Variants in RANBP2 observed in about 807,000 individuals in gnomAD.
The protein encoded by RANBP2 is E3 SUMO-protein ligase RanBP2.
A neutral mutation model predicts 303.6 loss-of-function variants in RANBP2; 57 were observed. The observed-to-expected ratio is 0.19, with a 90% confidence interval of 0.15 to 0.23. The LOEUF is 0.23. RANBP2 is among the 10% of genes least tolerant of loss of function. The probability of loss-of-function intolerance (pLI) is 1.00; values close to 1 mark genes in which losing one functional copy is unlikely to be tolerated. For missense variants in RANBP2, 3,138 were observed against 3,780.8 expected (o/e 0.83, Z 4.46); for synonymous variants, 1,167 against 1,301.5 (o/e 0.90, Z 2.23).
chr2:108,783,281 G>T lies in RANBP2; in HGVS notation c.9370-315G>T, dbSNP rs190813547. On this transcript the variant is annotated intron_variant, in intron 28 of 28. Transcript: ENST00000283195. Reference sequence around the variant, plus strand: ...AGGAGGCCAAGGCTGCAGTGAGCTAGGTTTGCACCACTGCACTCCATCCTG... The same window carrying T: ...AGGAGGCCAAGGCTGCAGTGAGCTATGTTTGCACCACTGCACTCCATCCTG... Among the ~76,000 whole-genome samples, 5 of 139,356 alleles carry T rather than the reference G, an allele frequency of 3.6e-5. No homozygotes were observed. In the East Asian group the frequency reaches 1.1e-3, roughly 30 times the overall value. The allele number at this position is 139,356 out of a possible 152,430, so 91.4% of individuals were successfully genotyped here.
chr2:109,764,447 T>C, the RANBP2 span, among the ~76,000 whole-genome samples: 65 of 148,998 alleles, frequency 4.4e-4, 1 homozygote, highest in Non-Finnish European at 8.0e-4. Context: ...ATTTAATTCG[T>C]TTAACAAATA....
At chr2:109,238,790 G>A in the RANBP2 span, among the ~76,000 whole-genome samples, 1 of 152,068 alleles carries the variant, frequency 6.6e-6, no homozygotes, top group East Asian at 1.9e-4. Context: ...CAGAGGCAAG[G>A]CCCCTGATGA....
chr2:109,307,310 G>C, the RANBP2 span, among the ~76,000 whole-genome samples: 4 of 152,286 alleles, frequency 2.6e-5, no homozygotes, highest in African/African-American at 7.2e-5. Context: ...AAGATGTTCT[G>C]CTAGGATGCT....
At chr2:109,271,893 G>T in the RANBP2 span, among the ~76,000 whole-genome samples, 1 of 152,238 alleles carries the variant, frequency 6.6e-6, no homozygotes, top group Non-Finnish European at 1.5e-5. Context: ...GCAGAATTGA[G>T]ATTCTAACCG....
At chr2:109,633,701 G>A in the RANBP2 span, among the ~76,000 whole-genome samples, 38 of 152,214 alleles carry the variant, frequency 2.5e-4, no homozygotes, top group African/African-American at 6.0e-4. Context: ...AAGATAAAAC[G>A]GAAACCCAGA....
chr2:109,081,220 G>A, the RANBP2 span, among the ~76,000 whole-genome samples: 4 of 152,138 alleles, frequency 2.6e-5, no homozygotes, highest in East Asian at 5.8e-4. Context: ...CTTTTTAAAT[G>A]CAGTTACTAG....
chr2:109,197,557 C>T, the RANBP2 span, among the ~76,000 whole-genome samples: 5 of 152,164 alleles, frequency 3.3e-5, no homozygotes, highest in African/African-American at 9.7e-5. Context: ...TGCAGGTGGC[C>T]GGGGAGGGGT....
At chr2:109,459,426 A>G in the RANBP2 span, among the ~76,000 whole-genome samples, 1 of 152,158 alleles carries the variant, frequency 6.6e-6, no homozygotes, top group Non-Finnish European at 1.5e-5. Flanking sequence ...GGGGTGATCC[A>G]AACCTTCATT....
At chr2:108,786,141 G>A (rs1446089322), downstream of RANBP2, among the ~76,000 whole-genome samples, 2 of 146,184 alleles carry the variant, frequency 1.4e-5, no homozygotes, top group African/African-American at 5.1e-5. Flanking sequence ...AAAAAAAAAA[G>A]TTTTTTTTCC....
chr2:109,130,212 G>C, the RANBP2 span: 1 of 1,141,730 alleles, frequency 8.8e-7, no homozygotes, highest in Non-Finnish European at 1.1e-6. Flanking sequence ...GGAGACCACG[G>C]GTGGTCCTGC....
chr2:109,569,731 A>G, the RANBP2 span, among the ~76,000 whole-genome samples: 1 of 152,190 alleles, frequency 6.6e-6, no homozygotes, highest in African/African-American at 2.4e-5. Flanking sequence ...ATAACTTATA[A>G]TTGCTTGCAC....
the RANBP2 span, among the ~76,000 whole-genome samples, chr2:109,042,479 G>A: frequency 6.6e-6 from 1 of 152,032 alleles, no homozygotes; most frequent in East Asian, 1.9e-4. Context: ...ATCCTTGTAA[G>A]GTACTGAGTC....
the RANBP2 span, among the ~76,000 whole-genome samples, chr2:108,891,352 T>C: frequency 6.6e-6 from 1 of 152,238 alleles, no homozygotes; most frequent in Non-Finnish European, 1.5e-5. Flanking sequence ...GATATATCTA[T>C]GGTTTTGGTT....
the RANBP2 span, chr2:109,544,382 T>C: frequency 6.5e-7 from 1 of 1,547,228 alleles, no homozygotes; most frequent in African/African-American, 1.4e-5. Context: ...AAGTAAAAAT[T>C]AGCAAACATG....
the RANBP2 span, among the ~76,000 whole-genome samples, chr2:109,493,520 C>A: frequency 6.6e-6 from 1 of 151,440 alleles, no homozygotes; most frequent in East Asian, 1.9e-4. Flanking sequence ...TCACACACAC[C>A]ATTGCATACC....
chr2:109,665,022 A>C, the RANBP2 span, among the ~76,000 whole-genome samples: 3 of 152,330 alleles, frequency 2.0e-5, no homozygotes, highest in Middle Eastern at 0.01. Context: ...AATTATACCA[A>C]AATGAGATAT....
chr2:108,940,837 T>C, the RANBP2 span, among the ~76,000 whole-genome samples: 1 of 152,282 alleles, frequency 6.6e-6, no homozygotes, highest in Non-Finnish European at 1.5e-5. Flanking sequence ...CAGATTTTTG[T>C]ATTCTTATTG....
the RANBP2 span, among the ~76,000 whole-genome samples, chr2:109,045,664 G>A: frequency 3.9e-5 from 6 of 152,256 alleles, no homozygotes; most frequent in East Asian, 1.2e-3. Flanking sequence ...GTGGCGCTTG[G>A]CCTGGTGACC....
At chr2:108,825,493 C>T in the RANBP2 span, among the ~76,000 whole-genome samples, 1 of 152,066 alleles carries the variant, frequency 6.6e-6, no homozygotes, top group Non-Finnish European at 1.5e-5. Flanking sequence ...CAGTCCTAGG[C>T]AACCACTAAT....
Sources: gnomAD v4.1 joint callset for allele counts (sites outside exome capture counted in the v4.1 genomes callset) on GRCh38, gnomAD v4.1.1 for gene constraint, MANE v1.5 for transcripts, NCBI Gene and HGNC (gene_info 2026-07-23, HGNC 2026-07-21) for gene names.